Variants in NDUFAF7 observed in about 807,000 individuals in gnomAD.
The protein encoded by NDUFAF7 is protein arginine methyltransferase NDUFAF7, mitochondrial.
A neutral mutation model predicts 47.2 loss-of-function variants in NDUFAF7; 48 were observed. The observed-to-expected ratio is 1.02, with a 90% CI of 0.81 to 1.29. The LOEUF (loss-of-function observed/expected upper bound fraction) is 1.29, where lower values mean the gene tolerates loss of function less well. Ranked by LOEUF, NDUFAF7 falls within the 50% of genes most tolerant of loss-of-function variation. NDUFAF7 has a pLI of 0.00. For missense variants in NDUFAF7, 635 were observed against 537.6 expected, an observed-to-expected ratio of 1.18 and a Z score of -1.79; for synonymous variants, 217 against 190.0, an observed-to-expected ratio of 1.14 and a Z score of -1.17.
At chr2:37,241,887 G>T in intron 5 of NDUFAF7, 96 bp downstream of exon 5, 1 of 1,082,086 alleles carries the variant, frequency 9.2e-7, no homozygotes, top group Non-Finnish European at 1.3e-6. Context: ...AATAGATTGA[G>T]TTACTGCTGC....
At position 37,248,221 on chromosome 2, in the gene NDUFAF7, A is replaced by G. The variant is rs752332221; in HGVS notation, c.1197A>G (p.Gly399=). 2 of 1,613,770 alleles carry G rather than the reference A, an allele frequency of 1.2e-6. No individual in the cohort carries two copies. Among genetic ancestry groups the G allele is most frequent in the East Asian group, 2.2e-5 (1 of 44,882 alleles). Reference sequence around the variant, plus strand: ...TGTTAATGAATCCAAAGAAGATGGGAGAGAGATTTAACTTTTTTGCCTTGC... The same window carrying G: ...TGTTAATGAATCCAAAGAAGATGGGGGAGAGATTTAACTTTTTTGCCTTGC... ...YDMLMNPKKM[G]ERFNFFALLP... The change falls in exon 10 of 10, where the codon GGA becomes GGG. Residue 399 remains glycine, a synonymous_variant. Transcript: ENST00000002125.
At chr2:37,266,540 G>A in the NDUFAF7 span, among the ~76,000 whole-genome samples, 2 of 151,270 alleles carry the variant, frequency 1.3e-5, no homozygotes, top group Non-Finnish European at 2.9e-5. Flanking sequence ...AGGCTGGAGT[G>A]CAATGGCACA....
the NDUFAF7 span, among the ~76,000 whole-genome samples, chr2:37,266,030 G>C: frequency 1.3e-5 from 2 of 152,078 alleles, no homozygotes; most frequent in African/African-American, 2.4e-5. Flanking sequence ...AAAAATACCT[G>C]ACAACATATT....
rs189517145 is a variant in NDUFAF7 at position 37,231,753 on chromosome 2, G to A, written c.48G>A (p.Ala16=). Residue 16 remains alanine, a synonymous_variant, in exon 1 of 10, where the codon GCG becomes GCA. Coordinates refer to ENST00000002125, the MANE Select transcript of NDUFAF7 (RefSeq NM_144736.5). ...GTTTGGGGCCGTTGTGTGCCGTGGC[G>A]CGCGCAGGTAAGCGTCAGTCCCCTC... ...RSGLGPLCAV[A]RAAIPFIWRG... is the part of the protein sequence containing the mutation. The A allele has an allele frequency of 2.0e-5, 33 of 1,614,202 alleles. No individual in the cohort carries two copies. The East Asian group carries it at 6.7e-4, about 33-fold the overall frequency.
downstream of NDUFAF7, among the ~76,000 whole-genome samples, chr2:37,249,554 G>GACACACACACACAC (rs1667282405): frequency 1.0e-5 from 1 of 100,042 alleles, no homozygotes; most frequent in African/African-American, 4.2e-5. Flanking sequence ...TCTAGCCTGT[G>GACACACACACACAC]ATAGACACAC....
chr2:37,253,475 A>G (rs567321618), downstream of NDUFAF7: 23 of 723,466 alleles, frequency 3.2e-5, 1 homozygote, highest in African/African-American at 3.0e-4. Flanking sequence ...GGCGCTACTC[A>G]TAAGTATCTA....
chr2:37,261,616 A>T, the NDUFAF7 span, among the ~76,000 whole-genome samples: 3,368 of 151,020 alleles, frequency 0.022, 60 homozygotes, highest in Middle Eastern at 0.035. Flanking sequence ...CCTAGTCTCT[A>T]CTAAAAATAC....
chr2:37,231,979 A>G lies in NDUFAF7; in HGVS notation c.56-127A>G, dbSNP rs1663433997. The G allele has an allele frequency of 2.7e-5, 44 of 1,600,768 alleles. No homozygotes were observed. The South Asian group carries it at 4.7e-4, about 17-fold the overall frequency. ...TGCGCCCCGTGGGCGTGCTAAGCACAGTAGCCCGCGGTCTGCGGTGGGGCG... is the reference window on the plus strand; with the variant it reads ...TGCGCCCCGTGGGCGTGCTAAGCACGGTAGCCCGCGGTCTGCGGTGGGGCG... On this transcript the variant is annotated intron_variant, in intron 1 of 9. Coordinates refer to ENST00000002125, the MANE Select transcript of NDUFAF7 (RefSeq NM_144736.5).
the NDUFAF7 span, chr2:37,269,203 G>A: frequency 5.2e-6 from 1 of 191,048 alleles, no homozygotes; most frequent in Non-Finnish European, 1.1e-5. Flanking sequence ...TGGATTTCAG[G>A]TTCAGGTTTT....
At chr2:37,269,837 C>T in the NDUFAF7 span, 5 of 621,838 alleles carry the variant, frequency 8.0e-6, no homozygotes, top group Non-Finnish European at 1.4e-5. Context: ...AAAACACAGG[C>T]TTTCTATGTT....
chr2:37,240,043 G>A (rs1666198671), intron 4 of NDUFAF7, among the ~76,000 whole-genome samples: 1 of 152,214 alleles, frequency 6.6e-6, no homozygotes, highest in Non-Finnish European at 1.5e-5. Context: ...TACCTGATAA[G>A]TAATAGTATT....
chr2:37,264,613 T>C, the NDUFAF7 span, among the ~76,000 whole-genome samples: 1 of 151,762 alleles, frequency 6.6e-6, no homozygotes, highest in South Asian at 2.1e-4. Context: ...GACAAGGGAG[T>C]ATGACATGCA....
At chr2:37,251,879 A>AG (rs1175686150), downstream of NDUFAF7, 1 of 147,478 alleles carries the variant, frequency 6.8e-6, no homozygotes, top group East Asian at 2.2e-4. Context: ...AGAGTGGAGA[A>AG]GAAAAAAAAA....
chr2:37,245,423 T>C (rs1666802825), intron 7 of NDUFAF7, among the ~76,000 whole-genome samples: 1 of 152,252 alleles, frequency 6.6e-6, no homozygotes, highest in Admixed American at 6.5e-5. Flanking sequence ...GTGATTTTGC[T>C]TTTTAAGCTA....
At chr2:37,251,672 G>A (rs943669971), downstream of NDUFAF7, 1 of 151,596 alleles carries the variant, frequency 6.6e-6, no homozygotes, top group Non-Finnish European at 1.5e-5. Flanking sequence ...CACTTTCCTA[G>A]TTTTTAGTTT....
chr2:37,231,827 C>T (rs972848140), intron 1 of NDUFAF7, 67 bp downstream of exon 1: 4 of 1,607,398 alleles, frequency 2.5e-6, no homozygotes, highest in African/African-American at 2.7e-5. Context: ...CTCAGCTCTT[C>T]AGTTGAGGGT....
rs377207327 is a variant in NDUFAF7 at position 37,237,720 on chromosome 2, A to G, written c.298-37A>G. ...TTGTGGTATACTTTTATACTTTATA[A>G]TACTTTAATATGTGTTTTTTTTTTC... On this transcript the variant is annotated intron_variant, in intron 3 of 9. Coordinates refer to ENST00000002125, the MANE Select transcript of NDUFAF7 (RefSeq NM_144736.5). 6 of 1,418,386 alleles carry G rather than the reference A, an allele frequency of 4.2e-6. No individual in the cohort carries two copies. The African/African-American group carries it at 8.5e-5, about 20-fold the overall frequency. The allele number at this position is 1,418,386 out of a possible 1,614,324, so 87.9% of individuals were successfully genotyped here. A position where few individuals can be genotyped will look rare whatever the true frequency, so the allele number is the denominator to read the frequency against.
intron 4 of NDUFAF7, 142 bp from the exon 5 acceptor site, chr2:37,241,436 G>T (rs747251800): frequency 7.4e-5 from 52 of 699,130 alleles, no homozygotes; most frequent in Non-Finnish European, 1.2e-4. Flanking sequence ...CTTATAGACT[G>T]CTGGAGAGTG....
the NDUFAF7 span, chr2:37,267,735 A>G: frequency 2.0e-6 from 1 of 505,006 alleles, no homozygotes; most frequent in Non-Finnish European, 3.5e-6. Flanking sequence ...TGCCCCTAAT[A>G]AAGTCAGCTG....
Sources: gnomAD v4.1 joint callset for allele counts (sites outside exome capture counted in the v4.1 genomes callset) on GRCh38, gnomAD v4.1.1 for gene constraint, MANE v1.5 for transcripts, NCBI Gene and HGNC (gene_info 2026-07-23, HGNC 2026-07-21) for gene names.